The following CFD variants were observed in gnomAD, a reference collection of about 807,000 sequenced individuals.
The protein encoded by CFD is C3 convertase activator.
Under a neutral mutation model 21.1 loss-of-function variants are expected in CFD, and 24 were observed. The observed-to-expected ratio is 1.14, with a 90% CI of 0.82 to 1.60. The LOEUF is 1.60. CFD is among the 40% of genes most tolerant of loss of function. The probability of loss-of-function intolerance (pLI) is 0.00; values close to 1 mark genes in which losing one functional copy is unlikely to be tolerated. For synonymous variants in CFD, 242 were observed against 175.9 expected (o/e 1.38, Z -2.97); for missense variants, 535 against 383.3 (o/e 1.40, Z -3.31).
chr19:860,378 G>A (rs2035767788), intron 1 of CFD, among the ~76,000 whole-genome samples: 1 of 151,552 alleles, frequency 6.6e-6, no homozygotes, highest in Non-Finnish European at 1.5e-5. Flanking sequence ...GTAGAGACGG[G>A]GTTTCACCAT....
Position 863,468 on chromosome 19 carries a change from G to A in CFD, c.*230G>A. ...TAGCTGGGCAATTGGCGGGCATGGA[G>A]GTGGGTGCTTGTAGTTCCAGCTACT... is the stretch of plus-strand genomic sequence containing the variant. On this transcript the variant is annotated 3_prime_UTR_variant, in exon 5 of 5. Coordinates refer to ENST00000327726, the MANE Select transcript of CFD (RefSeq NM_001928.4). 1.7e-6 allele frequency: 1 copy of A among 590,672 alleles called. No individual in the cohort carries two copies. The highest frequency in any genetic ancestry group is 3.0e-6 in the Non-Finnish European group (1 of 328,140). 36.6% of individuals were successfully genotyped at this position (590,672 alleles called of 1,614,324 possible).
intron 4 of CFD, 22 bp downstream of exon 4, chr19:861,978 G>C (rs1368227127): frequency 1.3e-6 from 2 of 1,534,034 alleles, no homozygotes; most frequent in Admixed American, 2.0e-5. Flanking sequence ...GGCCTGGGAG[G>C]AGACGCGGGG....
chr19:860,395 C>A (rs1319633256), intron 1 of CFD, among the ~76,000 whole-genome samples: 1 of 151,330 alleles, frequency 6.6e-6, no homozygotes, highest in African/African-American at 2.4e-5. Flanking sequence ...CCATATTGGC[C>A]AGGCTGGTCT....
chr19:861,716 A>C lies in CFD; in HGVS notation c.375A>C (p.Thr125=). 1 of 1,603,250 alleles carries C rather than the reference A, an allele frequency of 6.2e-7. No individual in the cohort carries two copies. Among genetic ancestry groups the C allele is most frequent in the Non-Finnish European group, 8.5e-7 (1 of 1,177,044 alleles). ...LLLLQLSEKA[T]LGPAVRPLPW... is the part of the protein sequence containing the mutation. ...ACCCTCAGCTGTCGGAGAAGGCCAC[A>C]CTGGGCCCTGCTGTGCGCCCCCTGC... Residue 125 remains threonine (T), a synonymous_variant, in exon 4 of 5, where the codon ACA becomes ACC. Coordinates refer to ENST00000327726, the MANE Select transcript of CFD (RefSeq NM_001928.4).
intron 1 of CFD, among the ~76,000 whole-genome samples, chr19:860,145 G>A (rs1043871653): frequency 6.6e-6 from 1 of 152,000 alleles, no homozygotes; most frequent in Non-Finnish European, 1.5e-5. Flanking sequence ...GGGTATCTGA[G>A]TTTGCAACGC....
Position 863,248 on chromosome 19 carries a change from G to A in CFD, c.*10G>A. ...CAGCGTCCTGGCCTAGGGTGCCGGG[G>A]CCTGAAGGTCAGGGTCACCCAAGCA... On this transcript the variant is annotated 3_prime_UTR_variant, in exon 5 of 5. Coordinates refer to ENST00000327726, the MANE Select transcript of CFD (RefSeq NM_001928.4). 1 of 1,547,376 alleles carries A rather than the reference G, an allele frequency of 6.5e-7. No homozygotes were observed. Among genetic ancestry groups the A allele is most frequent in the Non-Finnish European group, 8.7e-7 (1 of 1,153,080 alleles).
Position 861,809 on chromosome 19 carries a change from C to A in CFD, c.468C>A (p.Val156=). ...GCGACGTGGCCGGCTGGGGCATAGT[C>A]AACCACGCGGGCCGCCGCCCGGACA... ...TLCDVAGWGI[V]NHAGRRPDSL... Residue 156 remains valine (V), a synonymous_variant, in exon 4 of 5, where the codon GTC becomes GTA. Transcript: ENST00000327726. 5.0e-6 allele frequency: 8 copies of A among 1,603,672 alleles called. No homozygotes were observed. The highest frequency in any genetic ancestry group is 5.1e-6 in the Non-Finnish European group (6 of 1,179,140).
At position 863,134 on chromosome 19, in the gene CFD, G is replaced by T. The variant is rs1416843283; in HGVS notation, c.658G>T (p.Gly220Cys). Residue 220 changes from glycine to cysteine, a missense_variant, in exon 5 of 5, where the codon GGC becomes TGC. Gly to Cys is a radical substitution (Grantham distance 159). Coordinates refer to ENST00000327726, the MANE Select transcript of CFD (RefSeq NM_001928.4). Reference sequence around the variant, plus strand: ...GCTGGTGTGCGGGGGCGTGCTCGAGGGCGTGGTCACCTCGGGCTCGCGCGT... The same window carrying T: ...GCTGGTGTGCGGGGGCGTGCTCGAGTGCGTGGTCACCTCGGGCTCGCGCGT... ...GPLVCGGVLE[G>C]VVTSGSRVCG... 1 of 1,533,384 alleles carries T rather than the reference G, an allele frequency of 6.5e-7. No homozygotes were observed. Among genetic ancestry groups the T allele is most frequent in the Admixed American group, 2.0e-5 (1 of 50,902 alleles). The allele number at this position is 1,533,384 out of a possible 1,614,324, so 95.0% of individuals were successfully genotyped here.
chr19:862,040 T>A lies in CFD; in HGVS notation c.615+84T>A. On this transcript the variant is annotated intron_variant, in intron 4 of 4. Coordinates refer to ENST00000327726, the MANE Select transcript of CFD (RefSeq NM_001928.4). ...GAGGGAGCGCGAAGCGGGGGGCAAG[T>A]AGGAACAGGGCCCAGGGAAGGGGCG... 3 of 1,473,014 alleles carry A rather than the reference T, an allele frequency of 2.0e-6. No homozygotes were observed. The South Asian group carries it at 3.9e-5, about 19-fold the overall frequency. The allele number at this position is 1,473,014 out of a possible 1,614,324, so 91.2% of individuals were successfully genotyped here.
In CFD at chr19:863,579, G is replaced by T; in HGVS notation, c.*341G>T. The T allele has an allele frequency of 3.4e-6, 1 of 296,014 alleles. No individual in the cohort carries two copies. Among genetic ancestry groups the T allele is most frequent in the East Asian group, 7.0e-5 (1 of 14,300 alleles). The allele number at this position is 296,014 out of a possible 1,614,324, so 18.3% of individuals were successfully genotyped here. On this transcript the variant is annotated 3_prime_UTR_variant, in exon 5 of 5. Transcript: ENST00000327726. ...ATTGCACCACTGCCCTCCAGCCTGGGCAACAGAGTGAAACCTTGTCTCTCT... is the reference window on the plus strand; with the variant it reads ...ATTGCACCACTGCCCTCCAGCCTGGTCAACAGAGTGAAACCTTGTCTCTCT...
chr19:860,565 C>T (rs1479316643), intron 1 of CFD, 52 bp from the exon 2 acceptor site: 3 of 1,369,320 alleles, frequency 2.2e-6, no homozygotes, highest in Non-Finnish European at 2.8e-6. Flanking sequence ...CAGGCAGCCT[C>T]GCCCGGGGGA....
Position 860,789 on chromosome 19 carries a change from G to A in CFD, c.212+16G>A. The A allele has an allele frequency of 6.4e-7, 1 of 1,560,672 alleles. No individual in the cohort carries two copies. Among genetic ancestry groups the A allele is most frequent in the Non-Finnish European group, 8.6e-7 (1 of 1,161,618 alleles). Reference sequence around the variant, plus strand: ...TGGAGGACGCGTGAGTGCCCGCGCCGCGCGGGGGAAGAGCCCGGGTGCGGT... The same window carrying A: ...TGGAGGACGCGTGAGTGCCCGCGCCACGCGGGGGAAGAGCCCGGGTGCGGT... On this transcript the variant is annotated intron_variant, in intron 2 of 4. Coordinates refer to ENST00000327726, the MANE Select transcript of CFD (RefSeq NM_001928.4).
At chr19:860,838 C>T in intron 2 of CFD, 23 bp from the exon 3 acceptor site, 3 of 1,558,494 alleles carry the variant, frequency 1.9e-6, no homozygotes, top group East Asian at 2.4e-5. Flanking sequence ...TGGCACCGAC[C>T]GCGGACTCCG....
intron 4 of CFD, 57 bp from the exon 5 acceptor site, chr19:863,035 C>T: frequency 6.8e-7 from 1 of 1,464,872 alleles, no homozygotes; most frequent in Non-Finnish European, 9.1e-7. Context: ...GGGGGTCTAA[C>T]ACGTGAGGCC....
rs267606721 is a variant in CFD, at chr19:863,116, T to C, written c.640T>C (p.Cys214Arg). 3 of 1,529,896 alleles carry C rather than the reference T, an allele frequency of 2.0e-6. No homozygotes were observed. Among genetic ancestry groups the C allele is most frequent in the Non-Finnish European group, 2.6e-6 (3 of 1,141,974 alleles). 94.8% of individuals were successfully genotyped at this position (1,529,896 alleles called of 1,614,324 possible). The stretch of plus-strand genomic sequence containing the variant: ...GGGTGACTCCGGGGGCCCGCTGGTG[T>C]GCGGGGGCGTGCTCGAGGGCGTGGT... Reference protein sequence around the residue: ...CKGDSGGPLVCGGVLEGVVTS... With the variant: ...CKGDSGGPLVRGGVLEGVVTS... The change falls in exon 5 of 5, where the codon TGC becomes CGC. Residue 214 changes from cysteine (C) to arginine (R), a missense_variant. Physicochemically the swap from Cys to Arg is radical, Grantham distance 180. Coordinates refer to ENST00000327726, the MANE Select transcript of CFD (RefSeq NM_001928.4).
intron 4 of CFD, among the ~76,000 whole-genome samples, chr19:862,355 G>C (rs62132300): frequency 0.19 from 24,547 of 132,000 alleles, 2,900 homozygotes; most frequent in Non-Finnish European, 0.25. Context: ...GCGAGGCCAG[G>C]AAGAGGGTTG....
intron 3 of CFD, 81 bp downstream of exon 3, chr19:861,086 C>G: frequency 6.9e-7 from 1 of 1,444,802 alleles, no homozygotes; most frequent in Non-Finnish European, 9.4e-7. Flanking sequence ...ACACCGCGCC[C>G]CGGGTCCAGC....
rs556980346 is a variant in CFD at position 861,622 on chromosome 19, G to A, written c.358-77G>A. ...CCCTGATGCCCACCTCCCCCGTCCC[G>A]TCTCCCCGAGCCTAGCGGCATTCTC... is the stretch of plus-strand genomic sequence containing the variant. On this transcript the variant is annotated intron_variant, in intron 3 of 4. Coordinates refer to ENST00000327726, the MANE Select transcript of CFD (RefSeq NM_001928.4). The A allele has an allele frequency of 8.2e-5, 107 of 1,298,774 alleles. No homozygotes were observed. In the Admixed American group the frequency reaches 8.3e-4, roughly 10 times the overall value. 80.5% of individuals were successfully genotyped at this position (1,298,774 alleles called of 1,614,324 possible). A position where few individuals can be genotyped will look rare whatever the true frequency, so the allele number is the denominator to read the frequency against.
Position 863,190 on chromosome 19 carries a change from C to T in CFD, c.714C>T (p.Tyr238=). The T allele has an allele frequency of 6.5e-7, 1 of 1,539,472 alleles. No homozygotes were observed. Among genetic ancestry groups the T allele is most frequent in the Non-Finnish European group, 8.7e-7 (1 of 1,148,312 alleles). The change falls in exon 5 of 5, where the codon TAC becomes TAT. Residue 238 remains tyrosine, a synonymous_variant. Transcript: ENST00000327726. ...VCGNRKKPGI[Y]TRVASYAAWI... is the part of the protein sequence containing the mutation. ...GCAACCGCAAGAAGCCCGGGATCTACACCCGCGTGGCGAGCTATGCGGCCT... is the reference window on the plus strand; with the variant it reads ...GCAACCGCAAGAAGCCCGGGATCTATACCCGCGTGGCGAGCTATGCGGCCT...
Sources: allele counts gnomAD v4.1 joint callset (sites outside exome capture counted in the v4.1 genomes callset), GRCh38; gene constraint gnomAD v4.1.1; transcripts MANE v1.5; gene names NCBI Gene and HGNC (gene_info 2026-07-23, HGNC 2026-07-21).